Variants in LETMD1 observed in about 807,000 individuals in gnomAD.
The protein encoded by LETMD1 is LETM1 domain-containing protein 1.
A neutral mutation model predicts 43.9 loss-of-function variants in LETMD1; 30 were observed. The observed-to-expected ratio is 0.68, with a 90% CI of 0.51 to 0.93. The LOEUF (loss-of-function observed/expected upper bound fraction) is 0.93. Ranked by LOEUF, LETMD1 falls within the 40% of genes least tolerant of loss-of-function variation. LETMD1 has a pLI of 0.00. For synonymous variants in LETMD1, 176 were observed against 163.1 expected (o/e 1.08, Z -0.60); for missense variants, 413 against 447.7 (o/e 0.92, Z 0.70).
downstream of LETMD1, chr12:51,063,984 G>C: frequency 6.2e-7 from 1 of 1,614,016 alleles, no homozygotes. Context: ...AGCTGGGTCT[G>C]TGGAGCTACA....
downstream of LETMD1, chr12:51,063,968 G>A (rs1453013767): frequency 6.2e-7 from 1 of 1,613,214 alleles, no homozygotes; most frequent in Non-Finnish European, 8.5e-7. Flanking sequence ...CTGATTTACA[G>A]AGGGCAGCTG....
At chr12:51,065,263 T>G (rs1938043843), downstream of LETMD1, among the ~76,000 whole-genome samples, 2 of 152,344 alleles carry the variant, frequency 1.3e-5, no homozygotes, top group South Asian at 4.1e-4. Flanking sequence ...TTATTTTCCC[T>G]GAGGGTTGAC....
At chr12:51,050,599 A>G (rs1317206482) in intron 2 of LETMD1, among the ~76,000 whole-genome samples, 4 of 152,180 alleles carry the variant, frequency 2.6e-5, no homozygotes, top group East Asian at 1.9e-4. Context: ...ACCTCACTTC[A>G]TTATCATAAC....
At chr12:51,048,976 A>G in intron 1 of LETMD1, 58 bp from the exon 2 acceptor site, 1 of 1,496,764 alleles carries the variant, frequency 6.7e-7, no homozygotes, top group Non-Finnish European at 9.1e-7. Context: ...TAGGGACTCA[A>G]GGCGTGAGGG....
intron 2 of LETMD1, among the ~76,000 whole-genome samples, chr12:51,050,638 T>C (rs1356845469): frequency 1.3e-5 from 2 of 152,194 alleles, no homozygotes; most frequent in African/African-American, 2.4e-5. Context: ...TTTATATACT[T>C]GCCTTATGTA....
Position 51,059,794 on chromosome 12 carries a change from A to AC in LETMD1, c.*364dup. On this transcript the variant is annotated 3_prime_UTR_variant, in exon 9 of 9. Transcript: ENST00000262055. ...GGTGGGAATCCTTATTTGGCTTAGG[A>AC]CTGATCCACTTCCATGTTACTTACA... is the stretch of plus-strand genomic sequence containing the variant. The AC allele has an allele frequency of 4.4e-6, 1 of 225,832 alleles. No homozygotes were observed. Among genetic ancestry groups the AC allele is most frequent in the East Asian group, 1.0e-4 (1 of 9,704 alleles). 14.0% of individuals were successfully genotyped at this position (225,832 alleles called of 1,614,324 possible). A position where few individuals can be genotyped will look rare whatever the true frequency, so the allele number is the denominator to read the frequency against.
At position 51,049,108 on chromosome 12, in the gene LETMD1, C is replaced by T; in HGVS notation, c.197C>T (p.Ala66Val). 1 of 1,613,676 alleles carries T rather than the reference C, an allele frequency of 6.2e-7. No homozygotes were observed. Among genetic ancestry groups the T allele is most frequent in the Non-Finnish European group, 8.5e-7 (1 of 1,179,664 alleles). Residue 66 changes from alanine (A) to valine (V), a missense_variant, in exon 2 of 9, where the codon GCG becomes GTG. Transcript: ENST00000262055. The stretch of plus-strand genomic sequence containing the variant: ...TCTTATGTGGTAACCAAGACAAAAG[C>T]GATTAATGGGAAATACCATCGTTTC... ...LMSYVVTKTK[A>V]INGKYHRFLG...
intron 1 of LETMD1, chr12:51,048,715 C>T (rs943844889): frequency 1.6e-5 from 10 of 611,358 alleles, no homozygotes; most frequent in Admixed American, 1.5e-4. Flanking sequence ...ATCTTTCAGC[C>T]TCACTTTTTC....
chr12:51,061,731 C>A (rs1948836902), downstream of LETMD1: 1 of 152,148 alleles, frequency 6.6e-6, no homozygotes, highest in Non-Finnish European at 1.5e-5. Context: ...GGTTTGATCC[C>A]AAAAGCTAAT....
At chr12:51,068,435 A>T in the LETMD1 span, among the ~76,000 whole-genome samples, 4 of 152,180 alleles carry the variant, frequency 2.6e-5, no homozygotes, top group African/African-American at 9.7e-5. Flanking sequence ...CCACTGTGCC[A>T]GCCCAATTTA....
chr12:51,059,055 T>C (rs1948522541), intron 8 of LETMD1: 1 of 354,818 alleles, frequency 2.8e-6, no homozygotes, highest in Non-Finnish European at 5.4e-6. Context: ...AGCTGAGAAA[T>C]GTCCCTAGAG....
chr12:51,063,608 T>C (rs1937791158), downstream of LETMD1: 1 of 674,462 alleles, frequency 1.5e-6, no homozygotes, highest in Non-Finnish European at 2.4e-6. Flanking sequence ...CAAACAATCC[T>C]TTCCCACCCA....
chr12:51,067,877 C>T, the LETMD1 span: 25 of 1,614,222 alleles, frequency 1.5e-5, no homozygotes, highest in Non-Finnish European at 2.0e-5. The surrounding 1 kb of genome is among the most constrained non-coding windows in gnomAD (Gnocchi z 4.1). Flanking sequence ...AATCATCCAC[C>T]TCCACATTTT....
chr12:51,055,750 A>G, intron 4 of LETMD1, 85 bp from the exon 5 acceptor site: 1 of 825,502 alleles, frequency 1.2e-6, no homozygotes, highest in Non-Finnish European at 1.9e-6. Flanking sequence ...TCTTCCTAGT[A>G]TTCATGTCTA....
At position 51,049,148 on chromosome 12, in the gene LETMD1, C is replaced by T; in HGVS notation, c.237C>T (p.Phe79=). The T allele has an allele frequency of 1.2e-6, 2 of 1,613,902 alleles. No homozygotes were observed. The highest frequency in any genetic ancestry group is 2.2e-5 in the East Asian group (1 of 44,880). The change falls in exon 2 of 9, where the codon TTC becomes TTT. Residue 79 remains phenylalanine, a synonymous_variant. Transcript: ENST00000262055. Reference sequence around the variant, plus strand: ...ACCATCGTTTCTTGGGTCGTCATTTCCCCCGCTTCTATGTCCTGTACACAA... The same window carrying T: ...ACCATCGTTTCTTGGGTCGTCATTTTCCCCGCTTCTATGTCCTGTACACAA... ...GKYHRFLGRH[F]PRFYVLYTIF...
At chr12:51,064,469 T>C (rs1347022533), downstream of LETMD1, 5 of 1,609,490 alleles carry the variant, frequency 3.1e-6, no homozygotes, top group Non-Finnish European at 4.2e-6. Flanking sequence ...CCTGTGCTCC[T>C]GTCAGGCTGC....
Position 51,053,789 on chromosome 12 carries a change from C to G in LETMD1, c.402C>G (p.Asp134Glu), listed in dbSNP as rs934312216. The change falls in exon 4 of 9, where the codon GAC becomes GAG. Residue 134 changes from aspartate to glutamate, a missense_variant. Asp to Glu is a conservative substitution (Grantham distance 45). Transcript: ENST00000262055. The part of the protein sequence containing the change: ...EMEHLRQFRQ[D>E]VTKCLFLGII... ...TTATTTCTGCTTAGTTCCGCCAAGA[C>G]GTCACCAAGTGTCTTTTCCTAGGTA... 3.1e-6 allele frequency: 5 copies of G among 1,611,662 alleles called. No individual in the cohort carries two copies. The Admixed American group carries it at 8.4e-5, about 27-fold the overall frequency.
downstream of LETMD1, chr12:51,063,712 G>C: frequency 2.1e-6 from 3 of 1,456,034 alleles, no homozygotes; most frequent in East Asian, 2.3e-5. Flanking sequence ...GGAATAAATA[G>C]AGAATGGGTA....
chr12:51,067,253 TC>T, the LETMD1 span, among the ~76,000 whole-genome samples: 4 of 152,262 alleles, frequency 2.6e-5, no homozygotes, highest in African/African-American at 9.6e-5. The surrounding 1 kb of genome is among the most constrained non-coding windows in gnomAD (Gnocchi z 4.1). Context: ...TTCATCCCTT[TC>T]CTAACAGCTG....
Sources: gnomAD v4.1 joint callset for allele counts (sites outside exome capture counted in the v4.1 genomes callset) on GRCh38, gnomAD v4.1.1 for gene constraint, Gnocchi (gnomAD v3.1) non-coding constraint, MANE v1.5 for transcripts, NCBI Gene and HGNC (gene_info 2026-07-23, HGNC 2026-07-21) for gene names.